The following DAB1 variants were observed in gnomAD, a reference collection of about 807,000 sequenced individuals.
DAB1 encodes the protein DAB adaptor protein 1, also known as disabled homolog 1.
Under a neutral mutation model 64.6 loss-of-function variants are expected in DAB1, and 15 were observed. The observed-to-expected ratio is 0.23, with a 90% CI of 0.16 to 0.36. The LOEUF (loss-of-function observed/expected upper bound fraction) is 0.36, where lower values mean the gene tolerates loss of function less well. Among genes scored for constraint, DAB1 ranks in the 10% least tolerant of loss-of-function variants. The pLI is 1.00. For synonymous variants in DAB1, 235 were observed against 251.9 expected (o/e 0.93, Z 0.64); for missense variants, 596 against 706.7 (o/e 0.84, Z 1.78).
At chr1:57,059,893 A>G (rs1650206106) in intron 9 of DAB1, among the ~76,000 whole-genome samples, 1 of 152,130 alleles carries the variant, frequency 6.6e-6, no homozygotes, top group Non-Finnish European at 1.5e-5. Flanking sequence ...GCTTTTGAAA[A>G]TGTTGAAAAT....
Position 58,067,341 on chromosome 1 carries a change from G to A in DAB1, n.387+83170C>T, listed in dbSNP as rs144325941. Among the ~76,000 whole-genome samples, 260 of 152,340 alleles carry A rather than the reference G, an allele frequency of 1.7e-3. 1 individual carries two copies. Among genetic ancestry groups the A allele is most frequent in the Middle Eastern group, 0.014 (4 of 294 alleles). ...GTGGAATGCAAGAGTGAATGAATGA[G>A]CTTCTCTGATAAAGCACGTTTGTTC... is the stretch of plus-strand genomic sequence containing the variant. On this transcript the variant is annotated intron_variant and non_coding_transcript_variant, in intron 5 of 20. Transcript: ENST00000485760.
intron 5 of DAB1, among the ~76,000 whole-genome samples, chr1:58,029,088 T>C (rs1646936012): frequency 6.6e-6 from 1 of 152,114 alleles, no homozygotes; most frequent in South Asian, 2.1e-4. Context: ...TCAATTACAG[T>C]GAGGTTATAC....
At chr1:58,429,707 G>C (rs894712243) in intron 3 of DAB1, among the ~76,000 whole-genome samples, 1 of 152,130 alleles carries the variant, frequency 6.6e-6, no homozygotes, top group Non-Finnish European at 1.5e-5. Flanking sequence ...GGTCCAATTT[G>C]GTGTCTTCAC....
At chr1:58,242,907 T>G (rs1385645028) in intron 4 of DAB1, among the ~76,000 whole-genome samples, 1 of 151,862 alleles carries the variant, frequency 6.6e-6, no homozygotes, top group Admixed American at 6.6e-5. Flanking sequence ...AAAAATAACA[T>G]AAGCAAATGG....
At position 58,130,597 on chromosome 1, in the gene DAB1, G is replaced by A. The variant is rs1336899972; in HGVS notation, n.387+19914C>T. 4.6e-5 allele frequency among the ~76,000 whole-genome samples: 7 copies of A among 152,022 alleles called. No individual in the cohort carries two copies. The East Asian group carries it at 7.7e-4, about 17-fold the overall frequency. ...GCATGATTTTGCAGCGGCTGGTACC[G>A]GTTGTTCCTTTCCATATTTAGTCCT... On this transcript the variant is annotated intron_variant and non_coding_transcript_variant, in intron 5 of 20. Coordinates refer to the DAB1 transcript ENST00000485760.
chr1:58,329,715 A>C (rs1017096319), intron 4 of DAB1, among the ~76,000 whole-genome samples: 3 of 152,118 alleles, frequency 2.0e-5, no homozygotes, highest in African/African-American at 7.2e-5. Flanking sequence ...CAAATTTTTC[A>C]TCATTATTTT....
intron 7 of DAB1, among the ~76,000 whole-genome samples, chr1:57,562,360 G>A (rs1370918008): frequency 6.6e-6 from 1 of 152,216 alleles, no homozygotes; most frequent in Non-Finnish European, 1.5e-5. Context: ...GTGACAGACT[G>A]AGACTCCGTC....
At chr1:57,968,653 A>G (rs1238071983) in intron 5 of DAB1, among the ~76,000 whole-genome samples, 1 of 152,176 alleles carries the variant, frequency 6.6e-6, no homozygotes, top group Non-Finnish European at 1.5e-5. Flanking sequence ...TTAAGTCTCA[A>G]TCTTTCTGAC....
intron 4 of DAB1, among the ~76,000 whole-genome samples, chr1:57,098,157 T>A (rs1210035630): frequency 1.3e-5 from 2 of 152,084 alleles, no homozygotes; most frequent in Non-Finnish European, 2.9e-5. Context: ...TGGGAAAAAA[T>A]TTCCCATTTT....
At chr1:58,335,676 T>C (rs961008778) in intron 4 of DAB1, among the ~76,000 whole-genome samples, 3 of 151,932 alleles carry the variant, frequency 2.0e-5, no homozygotes, top group Non-Finnish European at 4.4e-5. Context: ...GGAAAGGGGA[T>C]TGGTGAGAAC....
chr1:57,962,306 G>GTCA (rs1017597816), intron 5 of DAB1, among the ~76,000 whole-genome samples: 1 of 151,982 alleles, frequency 6.6e-6, no homozygotes, highest in African/African-American at 2.4e-5. Context: ...ATAAACATTA[G>GTCA]TCATCATTAT....
intron 7 of DAB1, among the ~76,000 whole-genome samples, chr1:57,466,568 C>G (rs1027692322): frequency 9.2e-5 from 14 of 152,196 alleles, no homozygotes; most frequent in African/African-American, 3.1e-4. Flanking sequence ...CTTAAAACAA[C>G]ATCTATTTAT....
At chr1:57,285,038 T>C (rs182197807) in intron 2 of DAB1, among the ~76,000 whole-genome samples, 57 of 152,298 alleles carry the variant, frequency 3.7e-4, no homozygotes, top group African/African-American at 1.4e-3. Flanking sequence ...GGCAGCTTTT[T>C]GTCACTGTCA....
At chr1:57,568,981 G>A (rs529396925) in intron 7 of DAB1, among the ~76,000 whole-genome samples, 4 of 152,080 alleles carry the variant, frequency 2.6e-5, no homozygotes, top group East Asian at 1.9e-4. Flanking sequence ...ATGCACGGCC[G>A]GGCGCGGTGG....
At chr1:57,068,578 T>C (rs748348681) in intron 8 of DAB1, among the ~76,000 whole-genome samples, 1 of 152,202 alleles carries the variant, frequency 6.6e-6, no homozygotes, top group Admixed American at 6.5e-5. Flanking sequence ...TCTTCCCCTA[T>C]AATGTTTCTA....
chr1:57,476,278 A>G (rs750712857), intron 7 of DAB1, among the ~76,000 whole-genome samples: 2 of 151,728 alleles, frequency 1.3e-5, no homozygotes, highest in Non-Finnish European at 2.9e-5. Context: ...TATAGTCATG[A>G]ATGGAAAATG....
At chr1:57,547,116 G>C (rs1474511904) in intron 7 of DAB1, among the ~76,000 whole-genome samples, 2 of 149,348 alleles carry the variant, frequency 1.3e-5, no homozygotes, top group African/African-American at 5.1e-5. Context: ...AGAAGGCAAG[G>C]GGGAGAGAGA....
chr1:58,196,913 T>C (rs983412575), intron 4 of DAB1, among the ~76,000 whole-genome samples: 2 of 152,238 alleles, frequency 1.3e-5, no homozygotes, highest in African/African-American at 4.8e-5. Flanking sequence ...CTTTTCCTCC[T>C]GTGCACACAG....
intron 4 of DAB1, among the ~76,000 whole-genome samples, chr1:58,157,114 C>T (rs1366453007): frequency 6.6e-6 from 1 of 152,148 alleles, no homozygotes; most frequent in Non-Finnish European, 1.5e-5. Context: ...AAGCAAAAGC[C>T]TTCCCTTTCC....
Sources: allele counts gnomAD v4.1 joint callset (sites outside exome capture counted in the v4.1 genomes callset), GRCh38; gene constraint gnomAD v4.1.1; transcripts MANE v1.5; gene names NCBI Gene and HGNC (gene_info 2026-07-23, HGNC 2026-07-21).